Variants in CLVS1 observed in about 807,000 individuals in gnomAD.
CLVS1 encodes clavesin 1.
CLVS1 carries 10 observed loss-of-function variants against 33.1 expected under a neutral mutation model. The observed-to-expected ratio is 0.30, with a 90% CI of 0.19 to 0.51. The LOEUF (loss-of-function observed/expected upper bound fraction) is 0.51. Among genes scored for constraint, CLVS1 ranks in the 20% least tolerant of loss-of-function variants. The pLI is 0.97. For synonymous variants in CLVS1, 163 were observed against 166.1 expected (o/e 0.98, Z 0.14); for missense variants, 343 against 433.4 (o/e 0.79, Z 1.85).
At chr8:61,175,418 C>T (rs1158513856) in intron 2 of CLVS1, among the ~76,000 whole-genome samples, 1 of 152,178 alleles carries the variant, frequency 6.6e-6, no homozygotes, top group Non-Finnish European at 1.5e-5. Context: ...ACTTCCCAGC[C>T]TCCAGAACTG....
At chr8:61,252,381 A>G (rs1808968601) in intron 2 of CLVS1, among the ~76,000 whole-genome samples, 1 of 152,132 alleles carries the variant, frequency 6.6e-6, no homozygotes, top group Non-Finnish European at 1.5e-5. Flanking sequence ...TGCTGAGAAG[A>G]ATGTATATTC....
the CLVS1 span, among the ~76,000 whole-genome samples, chr8:61,047,032 T>C: frequency 6.6e-6 from 1 of 152,128 alleles, no homozygotes; most frequent in Non-Finnish European, 1.5e-5. Flanking sequence ...CTATGTTGAA[T>C]AGGAGTGGTG....
At chr8:61,341,765 T>C (rs1481595533) in intron 2 of CLVS1, among the ~76,000 whole-genome samples, 1 of 152,216 alleles carries the variant, frequency 6.6e-6, no homozygotes, top group Non-Finnish European at 1.5e-5. Context: ...GCCAGGGTTG[T>C]ACTAACAGAT....
the CLVS1 span, among the ~76,000 whole-genome samples, chr8:60,993,611 G>C: frequency 6.6e-6 from 1 of 152,254 alleles, no homozygotes; most frequent in East Asian, 1.9e-4. Flanking sequence ...TAAGCTGCTT[G>C]ATAGTTGGCC....
At chr8:60,971,265 G>C in the CLVS1 span, among the ~76,000 whole-genome samples, 3 of 151,982 alleles carry the variant, frequency 2.0e-5, no homozygotes, top group African/African-American at 7.3e-5. Flanking sequence ...TTTTTGTAGC[G>C]ATAGGGTTTC....
chr8:61,240,644 A>T (rs992655349), intron 2 of CLVS1, among the ~76,000 whole-genome samples: 1 of 152,250 alleles, frequency 6.6e-6, no homozygotes, highest in African/African-American at 2.4e-5. Flanking sequence ...CTAGTTTCAC[A>T]TATTGATTCC....
chr8:61,271,341 AT>A (rs1344154658), intron 2 of CLVS1, among the ~76,000 whole-genome samples: 5 of 150,788 alleles, frequency 3.3e-5, no homozygotes, highest in African/African-American at 7.3e-5. Context: ...GAGATTCTTA[AT>A]CCTGAGTTCT....
At chr8:61,079,250 C>T (rs1413625570) in intron 1 of CLVS1, among the ~76,000 whole-genome samples, 3 of 152,188 alleles carry the variant, frequency 2.0e-5, no homozygotes, top group African/African-American at 7.2e-5. Context: ...TTTATTCCCT[C>T]TTCAGGGGAG....
intron 3 of CLVS1, among the ~76,000 whole-genome samples, 190 bp from the exon 4 acceptor site, chr8:61,453,951 A>C (rs1415604026): frequency 6.6e-6 from 1 of 152,204 alleles, no homozygotes; most frequent in Non-Finnish European, 1.5e-5. Context: ...AAGGGAGAGA[A>C]GGGAGACAAG....
chr8:61,317,754 C>G (rs988403259), intron 2 of CLVS1, among the ~76,000 whole-genome samples: 1 of 152,116 alleles, frequency 6.6e-6, no homozygotes, highest in Non-Finnish European at 1.5e-5. Context: ...CTTAAAATGT[C>G]CAAAATCAAT....
chr8:61,294,326 C>A (rs1810109424), intron 1 of CLVS1, among the ~76,000 whole-genome samples: 1 of 152,080 alleles, frequency 6.6e-6, no homozygotes. Context: ...AATAACCTAC[C>A]TTTAAGGATT....
chr8:61,148,842 G>T lies in CLVS1; in HGVS notation c.-152+16982G>T, dbSNP rs72654648. ...AAAAGAAGACTGATGTGTGTGTGCCGACACATGTGTACGTGTGTCGTGATA... is the reference window on the plus strand; with the variant it reads ...AAAAGAAGACTGATGTGTGTGTGCCTACACATGTGTACGTGTGTCGTGATA... On this transcript the variant is annotated intron_variant, in intron 2 of 2. Transcript: ENST00000522621. Among the ~76,000 whole-genome samples the T allele has an allele frequency of 8.4e-3, 1,273 of 152,282 alleles. 10 individuals carry two copies. Among genetic ancestry groups the T allele is most frequent in the Non-Finnish European group, 0.012 (824 of 68,032 alleles).
chr8:61,419,125 G>A (rs778869514), intron 3 of CLVS1, among the ~76,000 whole-genome samples: 7 of 152,148 alleles, frequency 4.6e-5, no homozygotes, highest in East Asian at 1.9e-4. Context: ...TTGGCTGGGC[G>A]TGGTGTCTCA....
intron 1 of CLVS1, among the ~76,000 whole-genome samples, chr8:61,078,780 AATG>A (rs1804971115): frequency 6.6e-6 from 1 of 152,194 alleles, no homozygotes; most frequent in Non-Finnish European, 1.5e-5. Context: ...CTCCATGGCT[AATG>A]ATGTTTCCCT....
chr8:60,979,902 G>A, the CLVS1 span, among the ~76,000 whole-genome samples: 13 of 152,182 alleles, frequency 8.5e-5, no homozygotes, highest in East Asian at 2.3e-3. Context: ...TTTACTATAG[G>A]GATTTTGTTC....
At chr8:60,983,610 C>T in the CLVS1 span, among the ~76,000 whole-genome samples, 1 of 152,138 alleles carries the variant, frequency 6.6e-6, no homozygotes, top group East Asian at 1.9e-4. Context: ...TCTGGAAGCT[C>T]AGTGAGGTTT....
chr8:61,009,815 T>C, the CLVS1 span, among the ~76,000 whole-genome samples: 25 of 152,334 alleles, frequency 1.6e-4, 2 homozygotes, highest in African/African-American at 6.0e-4. Flanking sequence ...TGTGTTCTCT[T>C]TAAGTTTCTG....
chr8:61,375,634 T>C (rs938248678), intron 2 of CLVS1, among the ~76,000 whole-genome samples: 17 of 152,218 alleles, frequency 1.1e-4, no homozygotes, highest in African/African-American at 4.1e-4. Flanking sequence ...AAGATTCTGA[T>C]TGTTTCACAC....
intron 1 of CLVS1, among the ~76,000 whole-genome samples, chr8:61,070,033 T>C (rs1804763701): frequency 6.6e-6 from 1 of 152,174 alleles, no homozygotes; most frequent in Non-Finnish European, 1.5e-5. Context: ...CTTCCTGTGA[T>C]CCACCCGCCT....
Sources: allele counts gnomAD v4.1 joint callset (sites outside exome capture counted in the v4.1 genomes callset), GRCh38; gene constraint gnomAD v4.1.1; transcripts MANE v1.5; gene names NCBI Gene and HGNC (gene_info 2026-07-23, HGNC 2026-07-21).